Variants in PTPRM observed in about 807,000 individuals in gnomAD.
The protein encoded by PTPRM is protein tyrosine phosphatase receptor type M.
A neutral mutation model predicts 186.7 loss-of-function variants in PTPRM; 47 were observed. The observed-to-expected ratio is 0.25, with a 90% confidence interval of 0.20 to 0.32. The LOEUF (loss-of-function observed/expected upper bound fraction) is 0.32, where lower values mean the gene tolerates loss of function less well. Ranked by LOEUF, PTPRM falls within the 10% of genes least tolerant of loss-of-function variation. The pLI is 1.00. For synonymous variants in PTPRM, 668 were observed against 674.9 expected, an observed-to-expected ratio of 0.99 and a Z score of 0.16; for missense variants, 1,494 against 1,865.0, an observed-to-expected ratio of 0.80 and a Z score of 3.66.
At chr18:7,579,756 A>G (rs983039148) in intron 1 of PTPRM, among the ~76,000 whole-genome samples, 1 of 152,206 alleles carries the variant, frequency 6.6e-6, no homozygotes. Flanking sequence ...ATCATGAGAC[A>G]AGATGATCTG....
At chr18:8,389,118 A>G (rs975200426) in intron 31 of PTPRM, among the ~76,000 whole-genome samples, 5 of 152,164 alleles carry the variant, frequency 3.3e-5, no homozygotes, top group African/African-American at 1.2e-4. Context: ...GAATATTAAC[A>G]TTGTAGTTCG....
rs76760254 is a variant in PTPRM at position 7,683,957 on chromosome 18, C to T, written c.74-90192C>T. Among the ~76,000 whole-genome samples, 204 of 152,190 alleles carry T rather than the reference C, an allele frequency of 1.3e-3. 1 individual carries two copies. In the Middle Eastern group the frequency reaches 0.02, roughly 15 times the overall value. On this transcript the variant is annotated intron_variant, in intron 1 of 32. Coordinates refer to ENST00000580170, the MANE Select transcript of PTPRM (RefSeq NM_001105244.2). ...TCCCTGATATCAGCAGGGGGTTGCT[C>T]GCAGCTTTTCAAGGCTATCTGCCTG...
intron 21 of PTPRM, 133 bp from the exon 22 acceptor site, chr18:8,319,045 T>C: frequency 3.1e-6 from 2 of 645,238 alleles, no homozygotes; most frequent in Non-Finnish European, 5.5e-6. Context: ...TGGTGCTGGG[T>C]TGGCCATTTA....
At chr18:8,035,305 T>C (rs1457081208) in intron 7 of PTPRM, among the ~76,000 whole-genome samples, 1 of 152,208 alleles carries the variant, frequency 6.6e-6, no homozygotes, top group Non-Finnish European at 1.5e-5. Flanking sequence ...TTATTCTATC[T>C]GTGAAGAAAA....
rs1411476750 is a variant in PTPRM at position 8,093,388 on chromosome 18, G to A, written c.1856+4537G>A. On this transcript the variant is annotated intron_variant, in intron 11 of 32. Coordinates refer to ENST00000580170, the MANE Select transcript of PTPRM (RefSeq NM_001105244.2). ...GCCTTAGCAGTAGTTCTCATTACACGTTTCTATTCATAAGACCAGCCCTGG... is the reference window on the plus strand; with the variant it reads ...GCCTTAGCAGTAGTTCTCATTACACATTTCTATTCATAAGACCAGCCCTGG... Among the ~76,000 whole-genome samples the A allele has an allele frequency of 9.9e-5, 15 of 152,002 alleles. 1 individual carries two copies.
intron 13 of PTPRM, among the ~76,000 whole-genome samples, chr18:8,115,791 A>G (rs1236285900): frequency 6.6e-6 from 1 of 152,182 alleles, no homozygotes; most frequent in African/African-American, 2.4e-5. Flanking sequence ...TGAATATACC[A>G]TGATGTACAT....
intron 13 of PTPRM, among the ~76,000 whole-genome samples, chr18:8,138,429 C>G (rs1286570264): frequency 6.6e-6 from 1 of 152,132 alleles, no homozygotes; most frequent in Non-Finnish European, 1.5e-5. Context: ...TCCTGGTTGG[C>G]TACCAGCAGA....
intron 2 of PTPRM, among the ~76,000 whole-genome samples, chr18:7,878,278 T>G (rs2048339655): frequency 6.6e-6 from 1 of 152,260 alleles, no homozygotes; most frequent in Admixed American, 6.5e-5. Context: ...AGACTTTTGA[T>G]AATTTATAAA....
intron 14 of PTPRM, among the ~76,000 whole-genome samples, chr18:8,238,282 G>T (rs1371839826): frequency 1.3e-5 from 2 of 151,994 alleles, no homozygotes; most frequent in Non-Finnish European, 2.9e-5. Flanking sequence ...CTGACATTTT[G>T]TGTGTTTTTG....
At chr18:7,648,245 C>T (rs1395336385) in intron 1 of PTPRM, among the ~76,000 whole-genome samples, 1 of 152,144 alleles carries the variant, frequency 6.6e-6, no homozygotes, top group Non-Finnish European at 1.5e-5. Context: ...TAAATGTGTG[C>T]TTTTCACTCC....
At chr18:8,342,483 A>G (rs1163929068) in intron 22 of PTPRM, among the ~76,000 whole-genome samples, 1 of 152,248 alleles carries the variant, frequency 6.6e-6, no homozygotes. Flanking sequence ...CAGCTCCAGC[A>G]ATCTGAAATG....
chr18:8,167,822 G>T (rs1476739978), intron 14 of PTPRM, among the ~76,000 whole-genome samples: 1 of 152,248 alleles, frequency 6.6e-6, no homozygotes, highest in East Asian at 1.9e-4. Flanking sequence ...TGATACAGCA[G>T]TTCCTGTTCT....
intron 23 of PTPRM, chr18:8,364,964 G>T (rs2290819): frequency 0.44 from 66,174 of 151,982 alleles, 14,979 homozygotes; most frequent in African/African-American, 0.56. Context: ...GACACAGGAG[G>T]CAGAGTAGAA....
In PTPRM at chr18:8,209,989, T is replaced by TAAAA. The variant is rs67547673; in HGVS notation, c.2301-34042_2301-34039dup. Among the ~76,000 whole-genome samples, 496 of 78,684 alleles carry TAAAA rather than the reference T, an allele frequency of 6.3e-3. 11 individuals carry two copies. The highest frequency in any genetic ancestry group is 0.01 in the Non-Finnish European group (426 of 41,026). The allele number at this position is 78,684 out of a possible 152,430, so 51.6% of individuals were successfully genotyped here. A position where few individuals can be genotyped will look rare whatever the true frequency, so the allele number is the denominator to read the frequency against. ...TGTATCCCGGAACTTGAAGTAAAATTAAAAAAAAAAAAAAAAAAAAAAAAA... is the reference window on the plus strand; with the variant it reads ...TGTATCCCGGAACTTGAAGTAAAATTAAAAAAAAAAAAAAAAAAAAAAAAAAAAA... On this transcript the variant is annotated intron_variant, in intron 14 of 32. Coordinates refer to ENST00000580170, the MANE Select transcript of PTPRM (RefSeq NM_001105244.2).
At chr18:7,848,476 T>A (rs2046706507) in intron 2 of PTPRM, among the ~76,000 whole-genome samples, 3 of 152,168 alleles carry the variant, frequency 2.0e-5, no homozygotes, top group Admixed American at 2.0e-4. Flanking sequence ...AGGAATTGCT[T>A]AAAAATAAAT....
At chr18:8,051,091 T>C (rs1317774653) in intron 7 of PTPRM, among the ~76,000 whole-genome samples, 1 of 152,150 alleles carries the variant, frequency 6.6e-6, no homozygotes, top group Admixed American at 6.5e-5. Context: ...TCTTTTCAAG[T>C]CACAGGACTC....
chr18:7,876,353 G>T (rs1458075904), intron 2 of PTPRM, among the ~76,000 whole-genome samples: 1 of 152,024 alleles, frequency 6.6e-6, no homozygotes, highest in Non-Finnish European at 1.5e-5. Flanking sequence ...GATATTGTTT[G>T]CTCTTTTAAA....
chr18:8,062,999 C>T (rs1445092167), intron 7 of PTPRM, among the ~76,000 whole-genome samples: 3 of 150,116 alleles, frequency 2.0e-5, no homozygotes, highest in Admixed American at 6.6e-5. Flanking sequence ...GTTCGAGCTT[C>T]CCGGCTGCTT....
chr18:8,195,294 T>C (rs2146761092), intron 14 of PTPRM, among the ~76,000 whole-genome samples: 1 of 151,952 alleles, frequency 6.6e-6, no homozygotes, highest in Admixed American at 6.6e-5. Context: ...GAAATTAGTA[T>C]AAGGTGAACC....
Sources: allele counts gnomAD v4.1 joint callset (sites outside exome capture counted in the v4.1 genomes callset), GRCh38; gene constraint gnomAD v4.1.1; transcripts MANE v1.5; gene names NCBI Gene and HGNC (gene_info 2026-07-23, HGNC 2026-07-21).